PRORP: variants seen among roughly 807,000 people sequenced by gnomAD.
The protein encoded by PRORP is protein only RNase P catalytic subunit.
A neutral mutation model predicts 59.4 loss-of-function variants in PRORP; 51 were observed. The observed-to-expected ratio is 0.86, with a 90% CI of 0.69 to 1.08. The LOEUF is 1.08. Among genes scored for constraint, PRORP ranks in the 50% least tolerant of loss-of-function variants. The pLI is 0.00. For missense variants in PRORP, 646 were observed against 690.3 expected, an observed-to-expected ratio of 0.94 and a Z score of 0.72; for synonymous variants, 231 against 245.6, an observed-to-expected ratio of 0.94 and a Z score of 0.55.
At position 35,262,903 on chromosome 14, in the gene PRORP, A is replaced by G. The variant is rs1238583991; in HGVS notation, c.1276-3824A>G. Reference sequence around the variant, plus strand: ...AAAGATGAATTAATCCTTGAAGGTAATGACATTGAGCTTGTTTCCAATTTA... The same window carrying G: ...AAAGATGAATTAATCCTTGAAGGTAGTGACATTGAGCTTGTTTCCAATTTA... On this transcript the variant is annotated intron_variant, in intron 5 of 7. Coordinates refer to ENST00000534898, the MANE Select transcript of PRORP (RefSeq NM_014672.4). The G allele has an allele frequency of 1.3e-5, 20 of 1,566,052 alleles. No individual in the cohort carries two copies. In the Admixed American group the frequency reaches 3.0e-4, roughly 24 times the overall value.
intron 5 of PRORP, among the ~76,000 whole-genome samples, chr14:35,265,666 T>C (rs1046961225): frequency 1.3e-5 from 2 of 152,120 alleles, no homozygotes; most frequent in Non-Finnish European, 2.9e-5. Context: ...AGTCATAACA[T>C]AGAAAAGTCA....
At chr14:35,256,090 C>T (rs1221434752) in intron 5 of PRORP, among the ~76,000 whole-genome samples, 1 of 151,518 alleles carries the variant, frequency 6.6e-6, no homozygotes, top group African/African-American at 2.4e-5. Context: ...TTGAGACCAG[C>T]CTGGCCAACA....
At chr14:35,246,202 G>A (rs1383120638) in intron 5 of PRORP, among the ~76,000 whole-genome samples, 1 of 152,116 alleles carries the variant, frequency 6.6e-6, no homozygotes, top group South Asian at 2.1e-4. Flanking sequence ...CATTCATTGA[G>A]TTGAACACGC....
At chr14:35,193,632 G>A (rs1195457832) in intron 5 of PRORP, among the ~76,000 whole-genome samples, 2 of 135,768 alleles carry the variant, frequency 1.5e-5, no homozygotes, top group East Asian at 4.1e-4. Context: ...AATCCCGGGT[G>A]TATTTTTTTT....
At chr14:35,269,140 T>G (rs1034509768) in intron 6 of PRORP, among the ~76,000 whole-genome samples, 2 of 152,208 alleles carry the variant, frequency 1.3e-5, no homozygotes, top group Admixed American at 1.3e-4. Context: ...AGGTTTTTCC[T>G]TTCTCTCTGT....
At chr14:35,172,092 A>G (rs143590261) in intron 4 of PRORP, among the ~76,000 whole-genome samples, 1 of 145,700 alleles carries the variant, frequency 6.9e-6, no homozygotes, top group African/African-American at 2.5e-5. Context: ...TCTGTTGCCC[A>G]AGCTGGAGTA....
At chr14:35,241,687 G>A (rs2050373505) in intron 5 of PRORP, among the ~76,000 whole-genome samples, 1 of 152,058 alleles carries the variant, frequency 6.6e-6, no homozygotes. Flanking sequence ...TGTGCCTTAT[G>A]CAAGAGTCCT....
At chr14:35,203,424 G>A (rs1230576389) in intron 5 of PRORP, among the ~76,000 whole-genome samples, 2 of 152,170 alleles carry the variant, frequency 1.3e-5, no homozygotes, top group African/African-American at 4.8e-5. Context: ...CTACTTGGGA[G>A]GCTGGGGTGG....
In PRORP at chr14:35,275,764, C is replaced by A. The variant is rs1242310589; in HGVS notation, c.*2198C>A. 6.8e-6 allele frequency: 1 copy of A among 147,024 alleles called. No homozygotes were observed. Among genetic ancestry groups the A allele is most frequent in the Non-Finnish European group, 1.5e-5 (1 of 67,312 alleles). 9.1% of individuals were successfully genotyped at this position (147,024 alleles called of 1,614,324 possible). A position where few individuals can be genotyped will look rare whatever the true frequency, so the allele number is the denominator to read the frequency against. On this transcript the variant is annotated 3_prime_UTR_variant, in exon 8 of 8. Transcript: ENST00000534898. Reference sequence around the variant, plus strand: ...ATCACTTTAGGCCCAGAGTTGGAGACCAACCTGGGCAACATAGCAAGACCC... The same window carrying A: ...ATCACTTTAGGCCCAGAGTTGGAGAACAACCTGGGCAACATAGCAAGACCC...
intron 5 of PRORP, among the ~76,000 whole-genome samples, chr14:35,227,633 C>A (rs973910120): frequency 6.6e-6 from 1 of 152,010 alleles, no homozygotes; most frequent in Non-Finnish European, 1.5e-5. Context: ...AGAGAACTCC[C>A]ACCAAAAATA....
rs144746751 is a variant in PRORP at position 35,134,789 on chromosome 14, G to A, written c.1167+7178G>A. The stretch of plus-strand genomic sequence containing the variant: ...TGGCACCAGTACTCCCCTAGCTATC[G>A]TCTCAGTAGGTCACATGCCCCTACC... On this transcript the variant is annotated intron_variant, in intron 4 of 7. Coordinates refer to ENST00000534898, the MANE Select transcript of PRORP (RefSeq NM_014672.4). Among the ~76,000 whole-genome samples, 70 of 152,218 alleles carry A rather than the reference G, an allele frequency of 4.6e-4. No individual in the cohort carries two copies. The East Asian group carries it at 0.011, about 24-fold the overall frequency.
intron 5 of PRORP, among the ~76,000 whole-genome samples, chr14:35,227,424 A>G (rs1484385202): frequency 6.6e-6 from 1 of 151,926 alleles, no homozygotes; most frequent in East Asian, 2.0e-4. Context: ...AGCCTGGGTG[A>G]CAGAGCGAGA....
At chr14:35,140,659 T>G (rs2047462124) in intron 4 of PRORP, among the ~76,000 whole-genome samples, 1 of 145,552 alleles carries the variant, frequency 6.9e-6, no homozygotes, top group Non-Finnish European at 1.5e-5. Flanking sequence ...AACATGGAGA[T>G]TCTGATTTAA....
At chr14:35,130,796 T>C (rs1356694678) in intron 4 of PRORP, among the ~76,000 whole-genome samples, 1 of 151,798 alleles carries the variant, frequency 6.6e-6, no homozygotes, top group Admixed American at 6.6e-5. Flanking sequence ...TGTCCTTTTC[T>C]TTCTGCCATT....
At chr14:35,167,572 G>C (rs376221235) in intron 4 of PRORP, among the ~76,000 whole-genome samples, 1 of 152,096 alleles carries the variant, frequency 6.6e-6, no homozygotes, top group African/African-American at 2.4e-5. Flanking sequence ...TAGCCACGTG[G>C]CTTCATTTTC....
At chr14:35,258,185 TC>T (rs2050806427) in intron 5 of PRORP, among the ~76,000 whole-genome samples, 1 of 152,228 alleles carries the variant, frequency 6.6e-6, no homozygotes, top group East Asian at 1.9e-4. Context: ...TGAGACAGGG[TC>T]TCACCATGTT....
At chr14:35,227,961 G>A (rs1401605052) in intron 5 of PRORP, among the ~76,000 whole-genome samples, 1 of 152,106 alleles carries the variant, frequency 6.6e-6, no homozygotes, top group East Asian at 1.9e-4. Context: ...TGGCCAATAT[G>A]GTGAAATCCC....
intron 4 of PRORP, among the ~76,000 whole-genome samples, chr14:35,180,030 C>T (rs1262790297): frequency 2.0e-5 from 3 of 152,196 alleles, no homozygotes; most frequent in Non-Finnish European, 4.4e-5. Context: ...GTATCAGCAG[C>T]GGAGGCTGCA....
chr14:35,257,917 C>T (rs1349831424), intron 5 of PRORP, among the ~76,000 whole-genome samples: 6 of 152,130 alleles, frequency 3.9e-5, no homozygotes, highest in African/African-American at 1.4e-4. Context: ...TCTTACCTCC[C>T]AGGCAGCTTT....
Sources: allele counts gnomAD v4.1 joint callset (sites outside exome capture counted in the v4.1 genomes callset), GRCh38; gene constraint gnomAD v4.1.1; transcripts MANE v1.5; gene names NCBI Gene and HGNC (gene_info 2026-07-23, HGNC 2026-07-21).